LTBP1: variants seen among roughly 807,000 people sequenced by gnomAD.
LTBP1 encodes the protein latent transforming growth factor beta binding protein 1.
Under a neutral mutation model 207.6 loss-of-function variants are expected in LTBP1, and 129 were observed. The observed-to-expected ratio is 0.62, with a 90% CI of 0.54 to 0.72. The LOEUF is 0.72. Among genes scored for constraint, LTBP1 ranks in the 30% least tolerant of loss-of-function variants. The pLI, the probability that LTBP1 is intolerant of heterozygous loss-of-function variation, is 0.00. For synonymous variants in LTBP1, 963 were observed against 833.7 expected (o/e 1.16, Z -2.67); for missense variants, 2,281 against 2,217.2 (o/e 1.03, Z -0.58).
At chr2:33,326,640 A>ATTTATTTATTTATTTATTTATTT (rs2094431007) in intron 24 of LTBP1, among the ~76,000 whole-genome samples, 5 of 144,590 alleles carry the variant, frequency 3.5e-5, no homozygotes, top group African/African-American at 1.3e-4. Flanking sequence ...TGAGGGATAT[A>ATTTATTTATTTATTTATTTATTT]ATTTATTTAT....
chr2:32,985,382 A>G (rs1289671217), intron 2 of LTBP1, among the ~76,000 whole-genome samples: 1 of 152,150 alleles, frequency 6.6e-6, no homozygotes, highest in Non-Finnish European at 1.5e-5. Context: ...CATTTTATCG[A>G]TGAGGAAACT....
At chr2:32,998,733 A>G (rs1160312412) in intron 2 of LTBP1, among the ~76,000 whole-genome samples, 1 of 152,088 alleles carries the variant, frequency 6.6e-6, no homozygotes, top group East Asian at 1.9e-4. Context: ...GAGTCATACA[A>G]GAGCTTGCCT....
At chr2:33,218,520 C>G (rs894491369) in intron 8 of LTBP1, among the ~76,000 whole-genome samples, 3 of 152,198 alleles carry the variant, frequency 2.0e-5, no homozygotes, top group African/African-American at 7.2e-5. Context: ...CTTCAGCCTC[C>G]CGAGTAGCTA....
At chr2:33,358,339 G>C (rs772841581) in intron 26 of LTBP1, among the ~76,000 whole-genome samples, 2 of 151,834 alleles carry the variant, frequency 1.3e-5, no homozygotes, top group Non-Finnish European at 2.9e-5. Context: ...TATGATGTGA[G>C]TGTAACAAAC....
At chr2:33,161,314 C>T (rs1158975936) in intron 5 of LTBP1, among the ~76,000 whole-genome samples, 20 of 139,694 alleles carry the variant, frequency 1.4e-4, no homozygotes, top group South Asian at 9.0e-4. Flanking sequence ...GGCTGGAGTG[C>T]GGTGACATGA....
At chr2:33,110,458 A>T (rs1000980811) in intron 3 of LTBP1, 124 bp from the exon 4 acceptor site, 3 of 858,492 alleles carry the variant, frequency 3.5e-6, no homozygotes, top group Non-Finnish European at 5.3e-6. Flanking sequence ...TGAAGGAAAA[A>T]AAATGAGCCT....
At chr2:33,183,247 T>A (rs72855774) in intron 5 of LTBP1, among the ~76,000 whole-genome samples, 11,872 of 152,196 alleles carry the variant, frequency 0.078, 994 homozygotes, top group African/African-American at 0.21. Flanking sequence ...TTGTATTTCT[T>A]TGCTATACTT....
intron 5 of LTBP1, among the ~76,000 whole-genome samples, chr2:33,149,449 G>A (rs2083341628): frequency 1.3e-5 from 2 of 152,130 alleles, no homozygotes. Context: ...TTGTTCTGTA[G>A]ATGAAATCTC....
intron 1 of LTBP1, 93 bp from the exon 2 acceptor site, chr2:32,948,782 T>C (rs1676658742): frequency 1.7e-6 from 2 of 1,193,634 alleles, no homozygotes; most frequent in Admixed American, 1.7e-5. Flanking sequence ...TTGCAGAAGC[T>C]GGAGGCTGGC....
chr2:33,252,799 A>G lies in LTBP1; in HGVS notation c.2122A>G (p.Lys708Glu), dbSNP rs1401405015. The change falls in exon 11 of 34, where the codon AAG (lysine) becomes GAG (glutamate). Residue 708 changes from lysine (K) to glutamate (E), a missense_variant. Coordinates refer to ENST00000404816, the MANE Select transcript of LTBP1 (RefSeq NM_206943.4). ...TKQLCCCSVG[K>E]AWGPHCEKCP... ...GCAGCTCTGCTGTTGTAGTGTGGGC[A>G]AGGCCTGGGGCCCACACTGTGAGAA... 2.5e-6 allele frequency: 4 copies of G among 1,613,638 alleles called. No individual in the cohort carries two copies. Among genetic ancestry groups the G allele is most frequent in the Admixed American group, 3.3e-5 (2 of 60,024 alleles).
In LTBP1 at chr2:33,398,379, A is replaced by T; in HGVS notation, c.5000A>T (p.Asp1667Val). Reference sequence around the variant, plus strand: ...CTTATTGCAGATGTAAATGAATGCGATGAGTTGAACAACCGGATGTCTCTC... The same window carrying T: ...CTTATTGCAGATGTAAATGAATGCGTTGAGTTGAACAACCGGATGTCTCTC... ...KMTCVDVNEC[D>V]ELNNRMSLCK... Residue 1667 changes from aspartate to valine, a missense_variant, in exon 34 of 34, where the codon GAT becomes GTT. Asp to Val is a radical substitution (Grantham distance 152). This residue lies in a region of LTBP1 where 1,671 missense variants were observed against 1,634.8 expected (regional missense o/e 1.02). Transcript: ENST00000404816. The T allele has an allele frequency of 6.2e-7, 1 of 1,613,880 alleles. No homozygotes were observed. Among genetic ancestry groups the T allele is most frequent in the Non-Finnish European group, 8.5e-7 (1 of 1,179,878 alleles).
chr2:33,284,547 A>G (rs2093626342), intron 19 of LTBP1, among the ~76,000 whole-genome samples: 1 of 152,150 alleles, frequency 6.6e-6, no homozygotes, highest in Non-Finnish European at 1.5e-5. Context: ...TGACTATTTC[A>G]TCACTCTGGG....
intron 5 of LTBP1, among the ~76,000 whole-genome samples, chr2:33,160,891 C>T (rs1042530059): frequency 6.6e-6 from 1 of 152,108 alleles, no homozygotes; most frequent in African/African-American, 2.4e-5. Flanking sequence ...GAGGAGAGTG[C>T]AGCACCTACC....
chr2:33,396,091 T>C (rs60354056), intron 32 of LTBP1, among the ~76,000 whole-genome samples: 46,238 of 151,854 alleles, frequency 0.3, 7,696 homozygotes, highest in East Asian at 0.74. Flanking sequence ...AAAGTCTAGC[T>C]CTGACTTGGT....
At chr2:33,100,037 G>C (rs1021334636) in intron 3 of LTBP1, among the ~76,000 whole-genome samples, 1 of 152,250 alleles carries the variant, frequency 6.6e-6, no homozygotes, top group African/African-American at 2.4e-5. Context: ...CAGCAATGCA[G>C]TGGGAGAATA....
intron 3 of LTBP1, among the ~76,000 whole-genome samples, chr2:33,078,370 C>T (rs550622764): frequency 3.3e-5 from 5 of 152,156 alleles, no homozygotes; most frequent in Non-Finnish European, 7.3e-5. Context: ...CAGTGCCAAC[C>T]AACTATGAAT....
At chr2:33,336,609 T>C (rs1229321494) in intron 24 of LTBP1, among the ~76,000 whole-genome samples, 1 of 152,166 alleles carries the variant, frequency 6.6e-6, no homozygotes, top group African/African-American at 2.4e-5. Flanking sequence ...TTCCTATGAA[T>C]TATCCATTAC....
intron 3 of LTBP1, among the ~76,000 whole-genome samples, chr2:33,071,366 G>T (rs1254628280): frequency 6.6e-6 from 1 of 152,222 alleles, no homozygotes; most frequent in African/African-American, 2.4e-5. Flanking sequence ...TCTCAGAAGT[G>T]ATGTCCCATC....
At chr2:33,230,010 C>A (rs1249692925) in intron 9 of LTBP1, among the ~76,000 whole-genome samples, 1 of 152,128 alleles carries the variant, frequency 6.6e-6, no homozygotes, top group Non-Finnish European at 1.5e-5. Context: ...AATTTCACTC[C>A]CTTTGTGATA....
Sources: allele counts gnomAD v4.1 joint callset (sites outside exome capture counted in the v4.1 genomes callset), GRCh38; gene constraint gnomAD v4.1.1; regional missense constraint gnomAD v4.1.1; transcripts MANE v1.5; gene names NCBI Gene and HGNC (gene_info 2026-07-23, HGNC 2026-07-21).